The following COL6A5 variants were observed in gnomAD, a reference collection of about 807,000 sequenced individuals.
The protein encoded by COL6A5 is collagen alpha-5(VI) chain.
COL6A5 carries 48 observed loss-of-function variants against 65.6 expected under a neutral mutation model. The observed-to-expected ratio is 0.73, with a 90% confidence interval of 0.58 to 0.93. The LOEUF (loss-of-function observed/expected upper bound fraction) is 0.93. Ranked by LOEUF, COL6A5 falls within the 40% of genes least tolerant of loss-of-function variation. The pLI is 0.00. For synonymous variants in COL6A5, 291 were observed against 322.8 expected (o/e 0.90, Z 1.05); for missense variants, 914 against 928.3 (o/e 0.98, Z 0.20).
intron 1 of COL6A5, among the ~76,000 whole-genome samples, chr3:130,348,119 A>G (rs1934569679): frequency 6.6e-6 from 1 of 151,956 alleles, no homozygotes; most frequent in Non-Finnish European, 1.5e-5. Flanking sequence ...TTTATTTTTA[A>G]TTTTACTTTA....
intron 17 of COL6A5, among the ~76,000 whole-genome samples, chr3:130,407,730 CTAGAGGAACAGAAAA>C (rs1223991544): frequency 1.3e-5 from 2 of 149,520 alleles, no homozygotes; most frequent in Non-Finnish European, 3.0e-5. Context: ...ATATAGGTGA[CTAGAGGAACAGAAAA>C]TAGAGAGTCA....
At chr3:130,395,211 C>T in exon 8 of COL6A5, 1 of 1,551,678 alleles carries the variant, frequency 6.4e-7, no homozygotes, top group Non-Finnish European at 8.7e-7. Context: ...AGAAGAAATG[C>T]TGGTGTCCCC....
chr3:130,478,566 A>G (rs1359794660), intron 7 of COL6A5, among the ~76,000 whole-genome samples: 1 of 152,044 alleles, frequency 6.6e-6, no homozygotes, highest in East Asian at 1.9e-4. Context: ...CCTTTTCTGC[A>G]TCCCCTTTTA....
exon 1 of COL6A5, chr3:130,431,944 T>G (rs1937835331): frequency 3.2e-6 from 5 of 1,548,470 alleles, no homozygotes; most frequent in Non-Finnish European, 4.4e-6. Flanking sequence ...CCTTGAAGCT[T>G]TTGGGGTAAG....
intron 7 of COL6A5, among the ~76,000 whole-genome samples, chr3:130,481,300 G>C (rs1464873239): frequency 1.3e-5 from 2 of 149,500 alleles, no homozygotes; most frequent in Non-Finnish European, 3.0e-5. Context: ...TGTGGTGTTT[G>C]GTTTTCTGTT....
At chr3:130,453,491 T>C (rs1272347600) in intron 4 of COL6A5, among the ~76,000 whole-genome samples, 1 of 152,146 alleles carries the variant, frequency 6.6e-6, no homozygotes, top group Non-Finnish European at 1.5e-5. Context: ...CAAGATCTTA[T>C]CTTGCTGAAG....
At chr3:130,433,943 C>T (rs1937927897) in intron 1 of COL6A5, among the ~76,000 whole-genome samples, 1 of 151,086 alleles carries the variant, frequency 6.6e-6, no homozygotes, top group African/African-American at 2.4e-5. Context: ...GTTTGCCTTA[C>T]CTTTTTTTTT....
exon 8 of COL6A5, chr3:130,484,175 T>C (rs564159582): frequency 2.3e-6 from 2 of 873,352 alleles, no homozygotes; most frequent in Non-Finnish European, 1.6e-6. Flanking sequence ...CAAAAACAAT[T>C]GGCTAATAGC....
chr3:130,438,160 G>A (rs1166537281), intron 1 of COL6A5, among the ~76,000 whole-genome samples: 1 of 152,064 alleles, frequency 6.6e-6, no homozygotes, highest in Non-Finnish European at 1.5e-5. Context: ...ACCACACCTG[G>A]CTAATTTTTG....
Position 130,414,054 on chromosome 3 carries a change from A to G in COL6A5, c.4699-15A>G, listed in dbSNP as rs1937265273. On this transcript the variant is annotated splice_polypyrimidine_tract_variant and intron_variant and NMD_transcript_variant, in intron 21 of 41. Transcript: ENST00000312481. ...CGTGTAGAAATGCTTGACACTGGAA[A>G]CTCTTGTTCATCAGGGAGAACCAGG... 1 of 1,488,762 alleles carries G rather than the reference A, an allele frequency of 6.7e-7. No homozygotes were observed. The highest frequency in any genetic ancestry group is 9.1e-7 in the Non-Finnish European group (1 of 1,093,214). The allele number at this position is 1,488,762 out of a possible 1,614,324, so 92.2% of individuals were successfully genotyped here.
intron 5 of COL6A5, among the ~76,000 whole-genome samples, chr3:130,461,763 C>CTT (rs112604546): frequency 1.4e-5 from 2 of 147,732 alleles, no homozygotes; most frequent in Non-Finnish European, 1.5e-5. Context: ...TTTAAATTAA[C>CTT]TTTTTTTTTT....
intron 5 of COL6A5, among the ~76,000 whole-genome samples, chr3:130,465,457 AG>A (rs1284492797): frequency 2.0e-5 from 3 of 152,064 alleles, no homozygotes; most frequent in Non-Finnish European, 4.4e-5. Flanking sequence ...AGCCTGGAAA[AG>A]AACATAATTC....
chr3:130,438,758 T>C (rs1709098517), intron 1 of COL6A5, among the ~76,000 whole-genome samples: 2 of 152,202 alleles, frequency 1.3e-5, no homozygotes, highest in South Asian at 4.1e-4. Flanking sequence ...GATAGATTTC[T>C]TTCATAATAA....
At chr3:130,441,517 C>T (rs1367700387) in intron 3 of COL6A5, among the ~76,000 whole-genome samples, 1 of 152,166 alleles carries the variant, frequency 6.6e-6, no homozygotes, top group Non-Finnish European at 1.5e-5. Flanking sequence ...CTGCAGCGTA[C>T]AGTTGCATGA....
chr3:130,397,517 T>C (rs1438204399), intron 8 of COL6A5, 66 bp from the exon 9 acceptor site: 1 of 1,295,158 alleles, frequency 7.7e-7, no homozygotes, highest in Non-Finnish European at 1.1e-6. Context: ...GCTCCTTTTT[T>C]CTGCCGTCTC....
At chr3:130,463,362 G>A (rs1709743468) in intron 5 of COL6A5, among the ~76,000 whole-genome samples, 1 of 151,960 alleles carries the variant, frequency 6.6e-6, no homozygotes, top group Non-Finnish European at 1.5e-5. Context: ...TGCATATCTT[G>A]AGATTTCCCA....
At chr3:130,473,315 G>A (rs1177024124) in intron 7 of COL6A5, among the ~76,000 whole-genome samples, 1 of 151,980 alleles carries the variant, frequency 6.6e-6, no homozygotes, top group Non-Finnish European at 1.5e-5. Context: ...TTTATGCTGA[G>A]GGCAAGCCTA....
chr3:130,474,551 G>A (rs1291592895), intron 7 of COL6A5, among the ~76,000 whole-genome samples: 3 of 151,924 alleles, frequency 2.0e-5, no homozygotes, highest in African/African-American at 7.3e-5. Flanking sequence ...ATAGGTAAAG[G>A]TAAATAACTT....
chr3:130,364,848 A>G (rs916750445), intron 1 of COL6A5, among the ~76,000 whole-genome samples: 8 of 152,234 alleles, frequency 5.3e-5, no homozygotes, highest in Admixed American at 4.6e-4. Context: ...AAGGTTGTCA[A>G]TTGAATTCTG....
Sources: allele counts gnomAD v4.1 joint callset (sites outside exome capture counted in the v4.1 genomes callset), GRCh38; gene constraint gnomAD v4.1.1; transcripts MANE v1.5; gene names NCBI Gene and HGNC (gene_info 2026-07-23, HGNC 2026-07-21).